MGST1: variants seen among roughly 807,000 people sequenced by gnomAD.
MGST1 encodes glutathione S-transferase 12.
MGST1 carries 5 observed loss-of-function variants against 8.9 expected under a neutral mutation model. The ratio of observed to expected loss-of-function variants is 0.56; its 90% confidence interval spans 0.29 to 1.19. MGST1 has a LOEUF of 1.19. MGST1 is among the 50% of genes most tolerant of loss of function. The pLI is 0.08. For missense variants in MGST1, 182 were observed against 187.4 expected, an observed-to-expected ratio of 0.97 and a Z score of 0.17; for synonymous variants, 54 against 67.8, an observed-to-expected ratio of 0.80 and a Z score of 1.00.
At chr12:16,378,550 C>A (rs1017432233), downstream of MGST1, among the ~76,000 whole-genome samples, 18 of 151,810 alleles carry the variant, frequency 1.2e-4, 1 homozygote, top group Non-Finnish European at 2.5e-4. Context: ...GTTACTGTAG[C>A]CTTGTAGTAT....
At chr12:16,438,846 C>A (rs1273570742), downstream of MGST1, 2 of 151,834 alleles carry the variant, frequency 1.3e-5, no homozygotes, top group African/African-American at 2.4e-5. Flanking sequence ...CATAAAACAG[C>A]AACATCACTT....
chr12:16,550,181 T>C (rs989390596), intron 4 of MGST1: 5 of 152,094 alleles, frequency 3.3e-5, no homozygotes, highest in African/African-American at 9.7e-5. Flanking sequence ...TTATAGTGAT[T>C]TCAGTAGATT....
intron 1 of MGST1, among the ~76,000 whole-genome samples, chr12:16,351,042 GA>G (rs974623315): frequency 3.3e-5 from 5 of 151,754 alleles, no homozygotes; most frequent in African/African-American, 7.2e-5. Flanking sequence ...CAATGAGGGG[GA>G]AAAAAAAGTT....
At chr12:16,420,596 A>G (rs1470126103) in intron 1 of MGST1, among the ~76,000 whole-genome samples, 3 of 152,128 alleles carry the variant, frequency 2.0e-5, no homozygotes, top group Admixed American at 6.6e-5. Context: ...TTGTGATGCA[A>G]TCACAACAAA....
chr12:16,568,199 G>A (rs930841874), intron 4 of MGST1, among the ~76,000 whole-genome samples: 4 of 152,156 alleles, frequency 2.6e-5, no homozygotes, highest in Non-Finnish European at 5.9e-5. Flanking sequence ...AGACTTGTAA[G>A]AACCTAGCAT....
At chr12:16,444,542 A>G (rs1426631035) in intron 4 of MGST1, among the ~76,000 whole-genome samples, 1 of 151,952 alleles carries the variant, frequency 6.6e-6, no homozygotes, top group Admixed American at 6.6e-5. Context: ...ATGTGACTTC[A>G]ATACAGACAC....
chr12:16,391,314 C>A (rs1265505786), intron 1 of MGST1, among the ~76,000 whole-genome samples: 1 of 151,952 alleles, frequency 6.6e-6, no homozygotes, highest in African/African-American at 2.4e-5. Flanking sequence ...TCCCCTTTCC[C>A]TTTCCCCCCA....
At chr12:16,371,891 TC>T (rs1591709119) in intron 3 of MGST1, among the ~76,000 whole-genome samples, 4 of 151,998 alleles carry the variant, frequency 2.6e-5, no homozygotes, top group African/African-American at 9.7e-5. Flanking sequence ...ATGAATTTAG[TC>T]AACTCATTTT....
At chr12:16,524,039 G>A (rs1260158064) in intron 4 of MGST1, among the ~76,000 whole-genome samples, 1 of 151,972 alleles carries the variant, frequency 6.6e-6, no homozygotes, top group African/African-American at 2.4e-5. Context: ...GTATACATTT[G>A]CTTTGTAAAC....
At chr12:16,376,042 T>A (rs1940373744) in intron 3 of MGST1, 1 of 980,858 alleles carries the variant, frequency 1.0e-6, no homozygotes, top group East Asian at 2.9e-5. Flanking sequence ...TACATATATA[T>A]AAATGTATTT....
rs1943267990 is a variant in MGST1, at chr12:16,584,845, G to A, written n.483-4683G>A. On this transcript the variant is annotated intron_variant and non_coding_transcript_variant, in intron 4 of 4. Transcript: ENST00000538857. This position sits in a 1 kb window ranked among gnomAD's most constrained non-coding sequence, Gnocchi z 5.2. ...GTAACTGGTATACATTGGATGAAGG[G>A]CTCTGATCCTCTCTTCAAGAATTCA... 1.3e-5 allele frequency among the ~76,000 whole-genome samples: 2 copies of A among 152,108 alleles called. No individual in the cohort carries two copies. The highest frequency in any genetic ancestry group is 4.8e-5 in the African/African-American group (2 of 41,400).
At chr12:16,403,510 T>C (rs548304828) in intron 1 of MGST1, among the ~76,000 whole-genome samples, 1 of 152,248 alleles carries the variant, frequency 6.6e-6, no homozygotes, top group African/African-American at 2.4e-5. Context: ...GTTCTGTATG[T>C]ATTAGATTGG....
intron 4 of MGST1, among the ~76,000 whole-genome samples, chr12:16,578,818 A>AAACAAC (rs201327858): frequency 0.031 from 4,351 of 141,100 alleles, 142 homozygotes; most frequent in Admixed American, 0.1. Flanking sequence ...ATTCTGTCTC[A>AAACAAC]AACAACAACA....
chr12:16,488,534 A>C (rs1304011946), intron 4 of MGST1, among the ~76,000 whole-genome samples: 1 of 152,124 alleles, frequency 6.6e-6, no homozygotes, highest in Non-Finnish European at 1.5e-5. Flanking sequence ...AAAATCCCCT[A>C]TTTTGAGAAG....
At chr12:16,558,878 G>C (rs1242743724) in intron 4 of MGST1, among the ~76,000 whole-genome samples, 2 of 152,134 alleles carry the variant, frequency 1.3e-5, no homozygotes, top group African/African-American at 4.8e-5. Context: ...TTTCATTTAA[G>C]TTTCAAACTC....
Position 16,517,461 on chromosome 12 carries a change from A to G in MGST1, n.483-72067A>G, listed in dbSNP as rs1261145900. 1.3e-5 allele frequency among the ~76,000 whole-genome samples: 2 copies of G among 152,224 alleles called. No homozygotes were observed. The highest frequency in any genetic ancestry group is 2.9e-5 in the Non-Finnish European group (2 of 68,042). The stretch of plus-strand genomic sequence containing the variant: ...CTGACACAGCAAGAAGGCCTGTACT[A>G]GATGAGGATCCTTGATCTTGGACTT... On this transcript the variant is annotated intron_variant and non_coding_transcript_variant, in intron 4 of 4. Transcript: ENST00000538857. This position sits in a 1 kb window ranked among gnomAD's most constrained non-coding sequence, Gnocchi z 4.2.
Position 16,401,866 on chromosome 12 carries a change from C to G in MGST1, n.778+18262C>G. 1 of 1,604,036 alleles carries G rather than the reference C, an allele frequency of 6.2e-7. No homozygotes were observed. Among genetic ancestry groups the G allele is most frequent in the African/African-American group, 1.3e-5 (1 of 74,840 alleles). On this transcript the variant is annotated intron_variant and non_coding_transcript_variant, in intron 1 of 1. Transcript: ENST00000359720. The surrounding 1 kb of genome is among the most constrained non-coding windows in gnomAD (Gnocchi z 4.3). ...AAGACTTCAGAAGTGATGCCAGCTG[C>G]TTTCTTCATTAATTTGAGCTCCCCA... is the stretch of plus-strand genomic sequence containing the variant.
chr12:16,556,087 G>C (rs1440868343), intron 4 of MGST1, among the ~76,000 whole-genome samples: 2 of 151,986 alleles, frequency 1.3e-5, no homozygotes, highest in East Asian at 1.9e-4. Flanking sequence ...ACAGAGCCTA[G>C]CACAGTGCTT....
intron 4 of MGST1, among the ~76,000 whole-genome samples, chr12:16,572,230 A>C (rs1942837024): frequency 6.6e-6 from 1 of 151,944 alleles, no homozygotes; most frequent in South Asian, 2.1e-4. Context: ...TTACGTAGTA[A>C]AGCTCTACAG....
Sources: allele counts gnomAD v4.1 joint callset (sites outside exome capture counted in the v4.1 genomes callset), GRCh38; gene constraint gnomAD v4.1.1; non-coding constraint Gnocchi (gnomAD v3.1); transcripts MANE v1.5; gene names NCBI Gene and HGNC (gene_info 2026-07-23, HGNC 2026-07-21).